GLUD1: variants seen among roughly 807,000 people sequenced by gnomAD.
GLUD1 encodes glutamate dehydrogenase 1.
GLUD1 carries 22 observed loss-of-function variants against 56.0 expected under a neutral mutation model. That is an observed-to-expected ratio of 0.39 (90% CI 0.28 to 0.56). The LOEUF (loss-of-function observed/expected upper bound fraction) is 0.56, where lower values mean the gene tolerates loss of function less well. GLUD1 is among the 20% of genes least tolerant of loss of function. The pLI, the probability that GLUD1 is intolerant of heterozygous loss-of-function variation, is 0.58. For synonymous variants in GLUD1, 223 were observed against 269.9 expected (o/e 0.83, Z 1.70); for missense variants, 451 against 732.0 (o/e 0.62, Z 4.43).
chr10:87,094,155 T>C lies in GLUD1; in HGVS notation c.445+170A>G, dbSNP rs1589393197. The C allele has an allele frequency of 9.1e-6, 13 of 1,422,062 alleles. No individual in the cohort carries two copies. The highest frequency in any genetic ancestry group is 2.8e-6 in the Non-Finnish European group (3 of 1,074,854). 88.1% of individuals were successfully genotyped at this position (1,422,062 alleles called of 1,614,324 possible). ...GCATGATGATTTTAAGGCGGAAAAA[T>C]CACCATCCACAGAGCCGGCCACATC... On this transcript the variant is annotated intron_variant, in intron 1 of 12. Coordinates refer to ENST00000277865, the MANE Select transcript of GLUD1 (RefSeq NM_005271.5). This position sits in a 1 kb window ranked among gnomAD's most constrained non-coding sequence, Gnocchi z 6.6.
chr10:87,058,453 T>G (rs540926934), intron 10 of GLUD1, among the ~76,000 whole-genome samples: 31 of 152,314 alleles, frequency 2.0e-4, no homozygotes, highest in African/African-American at 7.5e-4. Flanking sequence ...ATTCTACTCT[T>G]AACTGTGGAG....
chr10:87,052,717 G>C (rs1421724325), intron 12 of GLUD1, among the ~76,000 whole-genome samples: 1 of 127,232 alleles, frequency 7.9e-6, no homozygotes, highest in African/African-American at 3.0e-5. Flanking sequence ...AAATGTTCTA[G>C]AATTATAAAG....
rs369958622 is a variant in GLUD1, at chr10:87,082,829, C to A, written c.446-6173G>T. ...CAATCTCCAATAAGACACAATGTAC[C>A]CACACACAGAAGAAGCCAGTTACTC... On this transcript the variant is annotated intron_variant, in intron 1 of 12. Coordinates refer to ENST00000277865, the MANE Select transcript of GLUD1 (RefSeq NM_005271.5). 2.0e-5 allele frequency among the ~76,000 whole-genome samples: 3 copies of A among 152,246 alleles called. No individual in the cohort carries two copies. In the East Asian group the frequency reaches 5.8e-4, roughly 29 times the overall value.
intron 1 of GLUD1, among the ~76,000 whole-genome samples, chr10:87,084,546 A>G (rs530927262): frequency 4.8e-5 from 3 of 62,344 alleles, no homozygotes; most frequent in African/African-American, 2.0e-4. Flanking sequence ...TCCTTTTCCT[A>G]GCTGACTCAA....
At chr10:87,083,219 T>TAA (rs11431413) in intron 1 of GLUD1, among the ~76,000 whole-genome samples, 37,659 of 134,402 alleles carry the variant, frequency 0.28, 4,988 homozygotes, top group Middle Eastern at 0.35. Flanking sequence ...TCAAAAAAAT[T>TAA]AAAAAAAAAA....
chr10:87,074,358 G>A (rs1022645510), intron 4 of GLUD1, among the ~76,000 whole-genome samples, 193 bp downstream of exon 4: 38 of 152,100 alleles, frequency 2.5e-4, no homozygotes, highest in Middle Eastern at 3.2e-3. Flanking sequence ...AAAATCAGCT[G>A]GGTGTGGTGG....
intron 1 of GLUD1, among the ~76,000 whole-genome samples, chr10:87,086,166 T>C (rs1193201890): frequency 3.3e-5 from 5 of 152,196 alleles, no homozygotes; most frequent in African/African-American, 1.2e-4. Flanking sequence ...GACTGCACTA[T>C]TCAAGGGCAT....
intron 1 of GLUD1, among the ~76,000 whole-genome samples, chr10:87,086,667 C>CA (rs1278711498): frequency 0.017 from 2,179 of 125,124 alleles, 37 homozygotes; most frequent in African/African-American, 0.045. Context: ...ACTAAAAATA[C>CA]AAAAAAAAAA....
intron 10 of GLUD1, among the ~76,000 whole-genome samples, chr10:87,058,294 T>A (rs141953553): frequency 6.6e-6 from 1 of 152,156 alleles, no homozygotes; most frequent in East Asian, 1.9e-4. Flanking sequence ...ATAACACCCA[T>A]TACCAGGGTT....
At chr10:87,061,086 A>G (rs754052201) in intron 6 of GLUD1, 34 bp from the exon 7 acceptor site, 4 of 1,597,588 alleles carry the variant, frequency 2.5e-6, no homozygotes, top group Non-Finnish European at 3.4e-6. Context: ...CACAAAAATT[A>G]AAGTCCTGGT....
At chr10:87,053,013 G>C (rs1430515347) in intron 12 of GLUD1, among the ~76,000 whole-genome samples, 1 of 152,152 alleles carries the variant, frequency 6.6e-6, no homozygotes, top group African/African-American at 2.4e-5. Context: ...AAATTCTATA[G>C]TAAGGTAGAC....
intron 4 of GLUD1, among the ~76,000 whole-genome samples, chr10:87,070,722 A>G (rs1018146683): frequency 3.9e-5 from 6 of 152,246 alleles, no homozygotes; most frequent in African/African-American, 1.2e-4. Context: ...CAGTCTATAC[A>G]TGCTAAACGT....
rs1171288662 is a variant in GLUD1 at position 87,094,712 on chromosome 10, C to T, written c.58G>A (p.Gly20Ser). 1 of 1,508,060 alleles carries T rather than the reference C, an allele frequency of 6.6e-7. No homozygotes were observed. Among genetic ancestry groups the T allele is most frequent in the Admixed American group, 2.1e-5 (1 of 47,412 alleles). The allele number at this position is 1,508,060 out of a possible 1,614,324, so 93.4% of individuals were successfully genotyped here. ...GCGGCCGAGTCGGCGGACGCCGAGC[C>T]CAGGGCAGCGGGCCCGGCCCGGGAC... ...LLSRAGPAAL[G>S]SASADSAALL... The change falls in exon 1 of 13, where the codon GGC becomes AGC. Residue 20 changes from glycine to serine, a missense_variant. Physicochemically the swap from Gly to Ser is moderately conservative, Grantham distance 56. Coordinates refer to ENST00000277865, the MANE Select transcript of GLUD1 (RefSeq NM_005271.5). This position sits in a 1 kb window ranked among gnomAD's most constrained non-coding sequence, Gnocchi z 6.6.
chr10:87,081,004 G>A lies in GLUD1; in HGVS notation c.446-4348C>T, dbSNP rs569859959. On this transcript the variant is annotated intron_variant, in intron 1 of 12. Transcript: ENST00000277865. ...AGCCCCCCGCCCGGCCAGCCGCCCC[G>A]TCCGGGAGGGAGGTGGGGGGTCAGC... Among the ~76,000 whole-genome samples, 7 of 107,774 alleles carry A rather than the reference G, an allele frequency of 6.5e-5. No individual in the cohort carries two copies. In the South Asian group the frequency reaches 8.7e-4, roughly 13 times the overall value. 70.7% of individuals were successfully genotyped at this position (107,774 alleles called of 152,430 possible). A position where few individuals can be genotyped will look rare whatever the true frequency, so the allele number is the denominator to read the frequency against.
chr10:87,082,314 A>AT (rs1841281152), intron 1 of GLUD1, among the ~76,000 whole-genome samples: 1 of 152,254 alleles, frequency 6.6e-6, no homozygotes, highest in African/African-American at 2.4e-5. Context: ...GACATGAGTC[A>AT]GAAACTGTGT....
intron 5 of GLUD1, among the ~76,000 whole-genome samples, chr10:87,063,939 C>T (rs994271105): frequency 1.3e-5 from 2 of 151,470 alleles, no homozygotes; most frequent in Non-Finnish European, 2.9e-5. Context: ...AGTGCAGTGG[C>T]GCAATTTCGG....
Position 87,057,675 on chromosome 10 carries a change from G to A in GLUD1, c.1494+16C>T, listed in dbSNP as rs749313694. The A allele has an allele frequency of 3.1e-6, 4 of 1,303,020 alleles. No homozygotes were observed. In the South Asian group the frequency reaches 3.5e-5, roughly 11 times the overall value. 80.7% of individuals were successfully genotyped at this position (1,303,020 alleles called of 1,614,324 possible). A position where few individuals can be genotyped will look rare whatever the true frequency, so the allele number is the denominator to read the frequency against. ...GGAGCATGTGTGAAGTACAACTGTG[G>A]GGTCACCACACTCACCGATATCCTG... On this transcript the variant is annotated intron_variant, in intron 11 of 12. Transcript: ENST00000277865.
rs550609501 is a variant in GLUD1, at chr10:87,057,786, CA to C, written c.1403-5del. On this transcript the variant is annotated splice_polypyrimidine_tract_variant and splice_region_variant and intron_variant, in intron 10 of 12. Coordinates refer to ENST00000277865, the MANE Select transcript of GLUD1 (RefSeq NM_005271.5). ...TCTAAACTCTCTTGAACAGACACTA[CA>C]AAAAAATAACAAGAGATCAAGATAT... 15 of 1,240,274 alleles carry C rather than the reference CA, an allele frequency of 1.2e-5. No homozygotes were observed. Among genetic ancestry groups the C allele is most frequent in the Non-Finnish European group, 1.6e-5 (14 of 869,096 alleles). The allele number at this position is 1,240,274 out of a possible 1,614,324, so 76.8% of individuals were successfully genotyped here.
chr10:87,063,065 TTTTG>T (rs1554906589), intron 5 of GLUD1, among the ~76,000 whole-genome samples: 32 of 145,580 alleles, frequency 2.2e-4, no homozygotes, highest in African/African-American at 1.8e-4. Flanking sequence ...CTGTTTTTTT[TTTTG>T]TTTGTTTGTT....
Sources: allele counts gnomAD v4.1 joint callset (sites outside exome capture counted in the v4.1 genomes callset), GRCh38; gene constraint gnomAD v4.1.1; non-coding constraint Gnocchi (gnomAD v3.1); transcripts MANE v1.5; gene names NCBI Gene and HGNC (gene_info 2026-07-23, HGNC 2026-07-21).